Variants in ASH1L observed in about 807,000 individuals in gnomAD.
ASH1L encodes the protein ASH1 like histone lysine methyltransferase.
Under a neutral mutation model 269.0 loss-of-function variants are expected in ASH1L, and 23 were observed. That is an observed-to-expected ratio of 0.09 (90% CI 0.06 to 0.12). ASH1L has a LOEUF of 0.12. Among genes scored for constraint, ASH1L ranks in the 10% least tolerant of loss-of-function variants. ASH1L has a pLI of 1.00. For missense variants in ASH1L, 2,912 were observed against 3,567.8 expected, an observed-to-expected ratio of 0.82 and a Z score of 4.68; for synonymous variants, 1,187 against 1,253.5, an observed-to-expected ratio of 0.95 and a Z score of 1.12.
chr1:155,402,116 G>T (rs1571112863), intron 6 of ASH1L, among the ~76,000 whole-genome samples: 3 of 151,962 alleles, frequency 2.0e-5, no homozygotes, highest in African/African-American at 7.3e-5. Context: ...AGCTGGGCAT[G>T]GTGATTGTGC....
chr1:155,418,774 A>G (rs1032875087), intron 5 of ASH1L, among the ~76,000 whole-genome samples: 4 of 152,194 alleles, frequency 2.6e-5, no homozygotes, highest in Non-Finnish European at 4.4e-5. Context: ...GAAGAAAACA[A>G]AAGAAGCTAA....
chr1:155,482,060 T>C lies in ASH1L; in HGVS notation c.810A>G (p.Leu270=). The C allele has an allele frequency of 1.2e-6, 2 of 1,614,168 alleles. No homozygotes were observed. The highest frequency in any genetic ancestry group is 2.2e-5 in the East Asian group (1 of 44,880). ...GSVAGIIHKD[L]IKKPTISTAV... is the part of the protein sequence containing the mutation. ...CTGTGCTGATGGTTGGCTTTTTTATTAAGTCCTTATGTATTATTCCAGCTA... is the reference window on the plus strand; with the variant it reads ...CTGTGCTGATGGTTGGCTTTTTTATCAAGTCCTTATGTATTATTCCAGCTA... Residue 270 remains leucine, a synonymous_variant, in exon 3 of 28, where the codon TTA becomes TTG. Transcript: ENST00000392403.
chr1:155,357,837 C>T (rs899886289), intron 13 of ASH1L, 88 bp from the exon 14 acceptor site: 2 of 1,285,616 alleles, frequency 1.6e-6, no homozygotes, highest in African/African-American at 1.5e-5. Context: ...ATAGTATGAT[C>T]ATGGCTCACT....
chr1:155,440,769 T>C lies in ASH1L; in HGVS notation c.5087-1701A>G, dbSNP rs550994857. Among the ~76,000 whole-genome samples the C allele has an allele frequency of 1.1e-4, 16 of 152,350 alleles. No individual in the cohort carries two copies. The South Asian group carries it at 3.3e-3, about 32-fold the overall frequency. On this transcript the variant is annotated intron_variant, in intron 4 of 27. Transcript: ENST00000392403. ...GACTACTGAATTTCTATTTTCTGAA[T>C]AGACCTTTCTTCTAATTGTCTACTT...
At chr1:155,407,120 G>A (rs1344079120) in intron 6 of ASH1L, among the ~76,000 whole-genome samples, 4 of 152,152 alleles carry the variant, frequency 2.6e-5, no homozygotes, top group Non-Finnish European at 5.9e-5. Context: ...CTACTCGGGA[G>A]GTTCGGGCAG....
intron 1 of ASH1L, among the ~76,000 whole-genome samples, chr1:155,543,858 C>T (rs561962283): frequency 1.3e-5 from 2 of 151,854 alleles, no homozygotes; most frequent in East Asian, 1.9e-4. Context: ...CAATTGAGCC[C>T]GGGAGGTTGA....
rs1665921905 is a variant in ASH1L at position 155,481,052 on chromosome 1, A to G, written c.1818T>C (p.Ser606=). The part of the protein sequence containing the change: ...SESVGKNQFT[S]ESTHLNVGHR... Reference sequence around the variant, plus strand: ...GACCAACGTTCAAGTGGGTACTTTCAGAAGTAAACTGGTTCTTTCCAACAG... The same window carrying G: ...GACCAACGTTCAAGTGGGTACTTTCGGAAGTAAACTGGTTCTTTCCAACAG... Residue 606 remains serine (S), a synonymous_variant, in exon 3 of 28, where the codon TCT becomes TCC. Coordinates refer to ENST00000392403, the MANE Select transcript of ASH1L (RefSeq NM_018489.3). The G allele has an allele frequency of 2.5e-6, 4 of 1,614,068 alleles. No homozygotes were observed. Among genetic ancestry groups the G allele is most frequent in the Non-Finnish European group, 3.4e-6 (4 of 1,179,962 alleles).
At chr1:155,345,519 C>T (rs992715798) in intron 21 of ASH1L, among the ~76,000 whole-genome samples, 45 of 151,222 alleles carry the variant, frequency 3.0e-4, no homozygotes, top group Non-Finnish European at 5.7e-4. Flanking sequence ...GTGATCTGCC[C>T]GCCTCGGCCT....
At chr1:155,504,966 T>C (rs1421595751) in intron 2 of ASH1L, among the ~76,000 whole-genome samples, 1 of 152,156 alleles carries the variant, frequency 6.6e-6, no homozygotes. Flanking sequence ...AGTGGTTTTA[T>C]CTTTTAATTT....
At chr1:155,360,040 C>T (rs570828059) in intron 13 of ASH1L, among the ~76,000 whole-genome samples, 114 of 152,044 alleles carry the variant, frequency 7.5e-4, no homozygotes, top group African/African-American at 2.3e-3. Context: ...TACAGGTGCG[C>T]GCCACCACAT....
chr1:155,542,264 T>G (rs994873323), intron 1 of ASH1L, among the ~76,000 whole-genome samples: 2 of 152,120 alleles, frequency 1.3e-5, no homozygotes, highest in African/African-American at 2.4e-5. Flanking sequence ...ATTATTACAT[T>G]TTGGGCCACG....
rs376223781 is a variant in ASH1L, at chr1:155,378,508, C to T, written c.6218G>A (p.Arg2073His). The T allele has an allele frequency of 1.9e-6, 3 of 1,613,446 alleles. No individual in the cohort carries two copies. The highest frequency in any genetic ancestry group is 1.7e-6 in the Non-Finnish European group (2 of 1,179,724). ...KPDVPLYKKIRSNVYVDVKPL... is the reference protein window; with the variant it reads ...KPDVPLYKKIHSNVYVDVKPL... ...ATAGCTCCTAAGTTACTCACTTGAACGAATTTTCTTATATAGTGGGACATC... is the reference window on the plus strand; with the variant it reads ...ATAGCTCCTAAGTTACTCACTTGAATGAATTTTCTTATATAGTGGGACATC... Residue 2073 changes from arginine to histidine, a missense_variant, in exon 9 of 28, where the codon CGT (arginine) becomes CAT (histidine). Arg to His is a conservative substitution (Grantham distance 29). Transcript: ENST00000392403.
chr1:155,412,894 T>TG (rs1016588519), intron 6 of ASH1L, among the ~76,000 whole-genome samples: 1 of 132,324 alleles, frequency 7.6e-6, no homozygotes, highest in African/African-American at 3.9e-5. Flanking sequence ...TTCTGTGTGT[T>TG]TTTTTTTTTT....
intron 7 of ASH1L, among the ~76,000 whole-genome samples, chr1:155,394,836 C>G (rs958933771): frequency 1.3e-5 from 2 of 152,148 alleles, no homozygotes; most frequent in Non-Finnish European, 1.5e-5. Flanking sequence ...TATAAATCAT[C>G]TATTTTTGAA....
In ASH1L at chr1:155,438,532, G is replaced by T; in HGVS notation, c.5623C>A (p.Pro1875Thr). The T allele has an allele frequency of 6.2e-7, 1 of 1,613,400 alleles. No homozygotes were observed. Among genetic ancestry groups the T allele is most frequent in the Non-Finnish European group, 8.5e-7 (1 of 1,179,744 alleles). ...QAFQAAQFVN[P>T]ELNRDEEGAA... ...CCTTCCTCGTCTCTGTTCAATTCTG[G>T]GTTGACAAACTGAGCAGCCTGGAAT... The change falls in exon 5 of 28, where the codon CCA (proline) becomes ACA (threonine). Residue 1875 changes from proline (P) to threonine (T), a missense_variant. Pro to Thr is a conservative substitution (Grantham distance 38, BLOSUM62 -1). Around this residue, in one of 13 missense-constraint regions of ASH1L, gnomAD observed 789 missense variants for 897.6 expected, o/e 0.88. Coordinates refer to ENST00000392403, the MANE Select transcript of ASH1L (RefSeq NM_018489.3).
At position 155,357,574 on chromosome 1, in the gene ASH1L, T is replaced by C. The variant is rs781504338; in HGVS notation, c.6960+11A>G. ...ACAGCTTTTGGGGAAAGTCATTAGA[T>C]AATTATTCACCCTTTTCTTCAGCTT... On this transcript the variant is annotated intron_variant, in intron 14 of 27. Transcript: ENST00000392403. 1.2e-6 allele frequency: 2 copies of C among 1,613,838 alleles called. No homozygotes were observed. Among genetic ancestry groups the C allele is most frequent in the South Asian group, 1.1e-5 (1 of 91,032 alleles).
intron 1 of ASH1L, among the ~76,000 whole-genome samples, chr1:155,543,113 A>T (rs1441480368): frequency 6.6e-6 from 1 of 152,210 alleles, no homozygotes; most frequent in Non-Finnish European, 1.5e-5. Flanking sequence ...ATCCTGGAAG[A>T]TCAAAATTAA....
intron 2 of ASH1L, among the ~76,000 whole-genome samples, chr1:155,496,391 G>A (rs1667156798): frequency 6.6e-6 from 1 of 152,084 alleles, no homozygotes; most frequent in African/African-American, 2.4e-5. Context: ...TTTTGAATGT[G>A]GAAAATGACA....
intron 5 of ASH1L, chr1:155,433,752 A>T: frequency 6.2e-7 from 1 of 1,604,330 alleles, no homozygotes; most frequent in Non-Finnish European, 8.5e-7. Context: ...GAGGGTCTGC[A>T]GCTTAGCTTC....
Sources: allele counts gnomAD v4.1 joint callset (sites outside exome capture counted in the v4.1 genomes callset), GRCh38; gene constraint gnomAD v4.1.1; regional missense constraint gnomAD v4.1.1; transcripts MANE v1.5; gene names NCBI Gene and HGNC (gene_info 2026-07-23, HGNC 2026-07-21).